PNLIPRP3: variants seen among roughly 807,000 people sequenced by gnomAD.
The protein encoded by PNLIPRP3 is pancreatic lipase-related protein 3.
PNLIPRP3 carries 58 observed loss-of-function variants against 52.8 expected under a neutral mutation model. The ratio of observed to expected loss-of-function variants is 1.10; its 90% CI spans 0.89 to 1.37. The LOEUF is 1.37. PNLIPRP3 is among the 40% of genes most tolerant of loss of function. PNLIPRP3 has a pLI of 0.00. For synonymous variants in PNLIPRP3, 192 were observed against 185.0 expected (o/e 1.04, Z -0.31); for missense variants, 593 against 561.6 (o/e 1.06, Z -0.57).
intron 3 of PNLIPRP3, 143 bp from the exon 4 acceptor site, chr10:116,444,239 A>T (rs2033398): frequency 0.94 from 617,153 of 659,690 alleles, 291,102 homozygotes; most frequent in South Asian, 0.98. Context: ...GGGATTACAA[A>T]TCAAGATAAG....
intron 3 of PNLIPRP3, among the ~76,000 whole-genome samples, chr10:116,443,795 GTGTGTGCATATATATATATA>G (rs1564695569): frequency 8.9e-5 from 1 of 11,250 alleles, no homozygotes; most frequent in African/African-American, 1.4e-4. Flanking sequence ...GTATGTATGT[GTGTGTGCATATATATATATA>G]TATATATATA....
At chr10:116,470,619 C>T (rs1355486822) in intron 9 of PNLIPRP3, among the ~76,000 whole-genome samples, 1 of 151,634 alleles carries the variant, frequency 6.6e-6, no homozygotes, top group African/African-American at 2.4e-5. Flanking sequence ...ATGCCATTCT[C>T]CTGCCTCAGC....
intron 8 of PNLIPRP3, 101 bp from the exon 9 acceptor site, chr10:116,469,084 A>G (rs989324111): frequency 9.3e-6 from 11 of 1,188,232 alleles, no homozygotes; most frequent in Non-Finnish European, 1.3e-5. Flanking sequence ...TCCTTTATTT[A>G]GATCCTGGAG....
At chr10:116,442,016 A>C (rs1445088353) in intron 2 of PNLIPRP3, among the ~76,000 whole-genome samples, 1 of 152,192 alleles carries the variant, frequency 6.6e-6, no homozygotes, top group Non-Finnish European at 1.5e-5. Flanking sequence ...CATTACTATT[A>C]AACACAGGTA....
At chr10:116,453,114 C>T (rs1299373477) in intron 4 of PNLIPRP3, among the ~76,000 whole-genome samples, 5 of 152,224 alleles carry the variant, frequency 3.3e-5, no homozygotes, top group Non-Finnish European at 7.3e-5. Flanking sequence ...GATCCCACTC[C>T]TCACACCAGA....
intron 2 of PNLIPRP3, 152 bp downstream of exon 2, chr10:116,437,017 CTA>C (rs1845784208): frequency 1.1e-5 from 8 of 734,944 alleles, no homozygotes; most frequent in Non-Finnish European, 1.6e-5. Context: ...CAGATTTTTT[CTA>C]TGTTATCTGT....
At chr10:116,450,482 A>G in intron 4 of PNLIPRP3, among the ~76,000 whole-genome samples, 1 of 152,226 alleles carries the variant, frequency 6.6e-6, no homozygotes, top group East Asian at 1.9e-4. Context: ...TGAACAAAAT[A>G]GTGAATACAA....
intron 4 of PNLIPRP3, among the ~76,000 whole-genome samples, chr10:116,444,930 A>C (rs1004305763): frequency 6.6e-6 from 1 of 152,214 alleles, no homozygotes; most frequent in Non-Finnish European, 1.5e-5. Context: ...TTAGGTCTGT[A>C]GGCCAGTCCA....
chr10:116,458,100 A>G (rs1846141554), intron 5 of PNLIPRP3, among the ~76,000 whole-genome samples: 1 of 152,198 alleles, frequency 6.6e-6, no homozygotes, highest in Non-Finnish European at 1.5e-5. Context: ...TGTCTTTGGT[A>G]TTTATGTATA....
At chr10:116,469,068 T>C in intron 8 of PNLIPRP3, 117 bp from the exon 9 acceptor site, 1 of 1,073,926 alleles carries the variant, frequency 9.3e-7, no homozygotes, top group Non-Finnish European at 1.3e-6. Context: ...ACTTTTAAAA[T>C]GCATATCCTT....
At chr10:116,475,267 A>G (rs569625139) in intron 10 of PNLIPRP3, among the ~76,000 whole-genome samples, 7 of 152,294 alleles carry the variant, frequency 4.6e-5, no homozygotes, top group Non-Finnish European at 1.0e-4. Context: ...GAAACAACAC[A>G]CACCAGGACC....
At chr10:116,476,564 C>T in intron 10 of PNLIPRP3, 88 bp from the exon 11 acceptor site, 1 of 1,030,518 alleles carries the variant, frequency 9.7e-7, no homozygotes, top group Non-Finnish European at 1.4e-6. Flanking sequence ...ACAAGTTTCT[C>T]TTCCATAGTG....
At chr10:116,468,687 A>G (rs1018961838) in intron 8 of PNLIPRP3, among the ~76,000 whole-genome samples, 1 of 152,224 alleles carries the variant, frequency 6.6e-6, no homozygotes, top group African/African-American at 2.4e-5. Flanking sequence ...GCAAATTTTT[A>G]AAAATTAAAA....
chr10:116,439,543 T>C, intron 2 of PNLIPRP3: 1 of 836,834 alleles, frequency 1.2e-6, no homozygotes. Flanking sequence ...GCAGGACGCT[T>C]TGCGCCATCA....
At chr10:116,472,857 C>T (rs889795515) in intron 10 of PNLIPRP3, among the ~76,000 whole-genome samples, 1 of 152,240 alleles carries the variant, frequency 6.6e-6, no homozygotes, top group Non-Finnish European at 1.5e-5. Flanking sequence ...TTCTGCAGGA[C>T]TTCACCCATG....
chr10:116,457,280 A>G (rs999639404), intron 5 of PNLIPRP3, among the ~76,000 whole-genome samples: 1 of 152,170 alleles, frequency 6.6e-6, no homozygotes, highest in African/African-American at 2.4e-5. Context: ...TCCTTACTGC[A>G]TTGACTCCAG....
chr10:116,457,440 T>C (rs1046498805), intron 5 of PNLIPRP3, among the ~76,000 whole-genome samples: 2 of 152,146 alleles, frequency 1.3e-5, no homozygotes, highest in Non-Finnish European at 2.9e-5. Flanking sequence ...TTTAAAAAAA[T>C]ACCTAGAAGT....
chr10:116,436,674 G>T, intron 1 of PNLIPRP3, 37 bp from the exon 2 acceptor site: 1 of 1,541,234 alleles, frequency 6.5e-7, no homozygotes, highest in Non-Finnish European at 8.8e-7. Flanking sequence ...CTCTAAGCCT[G>T]GTTCCTCTAT....
chr10:116,455,790 G>C lies in PNLIPRP3; in HGVS notation c.525G>C (p.Gly175=), dbSNP rs1232975682. The C allele has an allele frequency of 6.2e-7, 1 of 1,613,564 alleles. No individual in the cohort carries two copies. Among genetic ancestry groups the C allele is most frequent in the Non-Finnish European group, 8.5e-7 (1 of 1,179,748 alleles). ...ACAGCTTGGGAGCACACCTGGCTGG[G>C]GAAGCTGGGTCAAGGATACCAGGCC... is the stretch of plus-strand genomic sequence containing the variant. The part of the protein sequence containing the change: ...IGHSLGAHLA[G]EAGSRIPGLG... Residue 175 remains glycine, a synonymous_variant, in exon 5 of 12, where the codon GGG becomes GGC. Transcript: ENST00000369230.
Sources: allele counts gnomAD v4.1 joint callset (sites outside exome capture counted in the v4.1 genomes callset), GRCh38; gene constraint gnomAD v4.1.1; transcripts MANE v1.5; gene names NCBI Gene and HGNC (gene_info 2026-07-23, HGNC 2026-07-21).